CDH13: variants seen among roughly 807,000 people sequenced by gnomAD.
CDH13 encodes the protein cadherin-13.
Under a neutral mutation model 63.8 loss-of-function variants are expected in CDH13, and 24 were observed. The ratio of observed to expected loss-of-function variants is 0.38; its 90% CI spans 0.27 to 0.53. The LOEUF is 0.53. Among genes scored for constraint, CDH13 ranks in the 20% least tolerant of loss-of-function variants. CDH13 has a pLI of 0.85. For missense variants in CDH13, 1,049 were observed against 903.1 expected, an observed-to-expected ratio of 1.16 and a Z score of -2.07; for synonymous variants, 503 against 355.3, an observed-to-expected ratio of 1.42 and a Z score of -4.67.
intron 3 of CDH13, among the ~76,000 whole-genome samples, chr16:83,073,321 CTGTG>C (rs567463667): frequency 9.4e-4 from 132 of 139,766 alleles, no homozygotes; most frequent in Admixed American, 3.0e-3. Context: ...GGGTGTGTGT[CTGTG>C]TGTGTGTGTG....
chr16:83,537,036 G>A (rs906812830), intron 7 of CDH13, among the ~76,000 whole-genome samples: 4 of 152,170 alleles, frequency 2.6e-5, no homozygotes, highest in Admixed American at 1.3e-4. Context: ...GAATTTTAAG[G>A]ACGTACAAAC....
At chr16:83,323,174 T>TCTTTTC (rs1555530162) in intron 5 of CDH13, among the ~76,000 whole-genome samples, 2,101 of 82,212 alleles carry the variant, frequency 0.026, 33 homozygotes, top group Middle Eastern at 0.074. Context: ...TCTCTTTCTT[T>TCTTTTC]TTTCTTTCTT....
chr16:82,695,463 G>T (rs1430193661), intron 1 of CDH13, among the ~76,000 whole-genome samples: 2 of 152,086 alleles, frequency 1.3e-5, no homozygotes, highest in Non-Finnish European at 2.9e-5. Context: ...TTCATGGCAG[G>T]GTTAGCACGT....
chr16:82,995,805 G>T (rs928472971), intron 2 of CDH13, among the ~76,000 whole-genome samples: 2 of 152,102 alleles, frequency 1.3e-5, no homozygotes, highest in African/African-American at 4.8e-5. Context: ...TGATAACAGG[G>T]ATCACGCTGC....
chr16:82,675,106 CTT>C (rs57374592), intron 1 of CDH13, among the ~76,000 whole-genome samples: 23,483 of 151,934 alleles, frequency 0.15, 1,968 homozygotes, highest in East Asian at 0.25. Flanking sequence ...TTTTAGCTGT[CTT>C]AATAATTTTG....
intron 2 of CDH13, among the ~76,000 whole-genome samples, chr16:82,875,714 AC>A (rs1341210629): frequency 6.6e-6 from 1 of 152,206 alleles, no homozygotes; most frequent in Non-Finnish European, 1.5e-5. Flanking sequence ...GCAAAAGGGG[AC>A]CAATAAAATG....
chr16:82,885,352 C>G, intron 2 of CDH13, among the ~76,000 whole-genome samples: 1 of 152,070 alleles, frequency 6.6e-6, no homozygotes, highest in Non-Finnish European at 1.5e-5. Flanking sequence ...TATGTTTTTT[C>G]TTTCATGACA....
intron 1 of CDH13, among the ~76,000 whole-genome samples, chr16:82,845,381 A>G (rs2039213441): frequency 6.6e-6 from 1 of 152,190 alleles, no homozygotes; most frequent in Non-Finnish European, 1.5e-5. Context: ...TGTAGGAGAA[A>G]GAGCCAAAGC....
At chr16:83,780,507 TTCTATC>T (rs1915443434) in intron 12 of CDH13, among the ~76,000 whole-genome samples, 2 of 152,224 alleles carry the variant, frequency 1.3e-5, no homozygotes, top group African/African-American at 4.8e-5. Flanking sequence ...AACTCCAATA[TTCTATC>T]TTTAAAATTT....
At chr16:83,655,965 CA>C (rs551178879) in intron 8 of CDH13, among the ~76,000 whole-genome samples, 230 of 152,236 alleles carry the variant, frequency 1.5e-3, no homozygotes, top group Non-Finnish European at 2.6e-3. Flanking sequence ...AGGGGTGGGA[CA>C]CAGAGAAATA....
At chr16:82,787,477 T>A (rs2036074576) in intron 1 of CDH13, among the ~76,000 whole-genome samples, 1 of 152,116 alleles carries the variant, frequency 6.6e-6, no homozygotes, top group African/African-American at 2.4e-5. Context: ...AAATTCTGAG[T>A]GTTTACTGTG....
intron 2 of CDH13, among the ~76,000 whole-genome samples, chr16:82,916,383 G>A (rs1303986934): frequency 6.6e-6 from 1 of 152,098 alleles, no homozygotes; most frequent in Non-Finnish European, 1.5e-5. Flanking sequence ...AGACCAGCCT[G>A]GCCAACATCG....
chr16:82,681,426 G>C (rs1238891358), intron 1 of CDH13, among the ~76,000 whole-genome samples: 6 of 152,188 alleles, frequency 3.9e-5, no homozygotes, highest in Non-Finnish European at 8.8e-5. Flanking sequence ...CTAGATAGTG[G>C]TGATGGTTGC....
chr16:82,639,582 C>G, intron 1 of CDH13: 1 of 679,646 alleles, frequency 1.5e-6, no homozygotes, highest in Non-Finnish European at 2.5e-6. Context: ...ATTCTTTCCC[C>G]AAACAAAAAG....
chr16:83,111,796 A>G (rs1347729039), intron 3 of CDH13, among the ~76,000 whole-genome samples: 1 of 152,230 alleles, frequency 6.6e-6, no homozygotes, highest in Non-Finnish European at 1.5e-5. Flanking sequence ...TCTCTATTTC[A>G]TAGTTTCATC....
At chr16:83,037,121 A>T (rs1916932173) in intron 3 of CDH13, among the ~76,000 whole-genome samples, 1 of 152,144 alleles carries the variant, frequency 6.6e-6, no homozygotes, top group Admixed American at 6.5e-5. Flanking sequence ...GTAGGGAGAG[A>T]CTAGAGCTAC....
intron 5 of CDH13, among the ~76,000 whole-genome samples, chr16:83,279,414 G>T (rs926761708): frequency 6.6e-6 from 1 of 152,146 alleles, no homozygotes; most frequent in Non-Finnish European, 1.5e-5. Context: ...TTACAATTCT[G>T]TTAGACAAAA....
intron 6 of CDH13, among the ~76,000 whole-genome samples, chr16:83,378,758 C>T (rs1467073773): frequency 6.6e-6 from 1 of 152,054 alleles, no homozygotes; most frequent in Admixed American, 6.5e-5. Flanking sequence ...AGATAATTCC[C>T]AGACTTGTAG....
intron 5 of CDH13, among the ~76,000 whole-genome samples, chr16:83,340,381 G>A (rs149125629): frequency 7.2e-5 from 11 of 152,060 alleles, no homozygotes; most frequent in Non-Finnish European, 1.5e-4. Flanking sequence ...TGTCTTCCTG[G>A]CCTGTGTACT....
Sources: gnomAD v4.1 joint callset for allele counts (sites outside exome capture counted in the v4.1 genomes callset) on GRCh38, gnomAD v4.1.1 for gene constraint, MANE v1.5 for transcripts, NCBI Gene and HGNC (gene_info 2026-07-23, HGNC 2026-07-21) for gene names.